Variants in ADCY2 observed in about 807,000 individuals in gnomAD.
ADCY2 encodes the protein adenylate cyclase 2, also known as adenylate cyclase type 2.
ADCY2 carries 31 observed loss-of-function variants against 125.2 expected under a neutral mutation model. The observed-to-expected ratio is 0.25, with a 90% confidence interval of 0.19 to 0.33. The LOEUF (loss-of-function observed/expected upper bound fraction) is 0.33. Among genes scored for constraint, ADCY2 ranks in the 10% least tolerant of loss-of-function variants. The pLI is 1.00. For missense variants in ADCY2, 904 were observed against 1,418.2 expected, an observed-to-expected ratio of 0.64 and a Z score of 5.82; for synonymous variants, 512 against 548.4, an observed-to-expected ratio of 0.93 and a Z score of 0.93.
rs1238818176 is a variant in ADCY2, at chr5:7,559,837, G to A, written c.570+38938G>A. ...TGCTGTTGGGGGTGAAAATGAAAAA[G>A]CCTACTTCAGAAAGATAAAACTTTT... is the stretch of plus-strand genomic sequence containing the variant. On this transcript the variant is annotated intron_variant, in intron 3 of 24. Transcript: ENST00000338316. 2.6e-5 allele frequency among the ~76,000 whole-genome samples: 4 copies of A among 152,144 alleles called. No homozygotes were observed. In the East Asian group the frequency reaches 7.7e-4, roughly 29 times the overall value.
Position 7,446,763 on chromosome 5 carries a change from T to C in ADCY2, c.408+31993T>C, listed in dbSNP as rs1741272715. On this transcript the variant is annotated intron_variant, in intron 2 of 24. Coordinates refer to ENST00000338316, the MANE Select transcript of ADCY2 (RefSeq NM_020546.3). ...CACGTGTGTGCACAGTATAGATACATAGTCTTGCCATGCGGTCTATTTGTT... is the reference window on the plus strand; with the variant it reads ...CACGTGTGTGCACAGTATAGATACACAGTCTTGCCATGCGGTCTATTTGTT... Among the ~76,000 whole-genome samples the C allele has an allele frequency of 2.6e-5, 4 of 152,208 alleles. 1 individual carries two copies. The South Asian group carries it at 8.3e-4, about 32-fold the overall frequency.
chr5:7,756,587 G>C (rs1227181141), intron 15 of ADCY2, among the ~76,000 whole-genome samples: 1 of 152,146 alleles, frequency 6.6e-6, no homozygotes, highest in East Asian at 1.9e-4. Context: ...CACAAAAGGA[G>C]AACTACTAGA....
chr5:7,826,786 A>C lies in ADCY2; in HGVS notation c.3191A>C (p.Asn1064Thr). 6.2e-7 allele frequency: 1 copy of C among 1,614,156 alleles called. No homozygotes were observed. The highest frequency in any genetic ancestry group is 8.5e-7 in the Non-Finnish European group (1 of 1,180,040). The change falls in exon 25 of 25, where the codon AAC becomes ACC. Residue 1064 changes from asparagine to threonine, a missense_variant. By Grantham distance (65) the Asn-to-Thr change is moderately conservative. Transcript: ENST00000338316. ...ACGTGCACCTGTCGAGGAATAATCA[A>C]CGTGAAAGGAAAGGGGGACCTGAAG... ...GYTCTCRGII[N>T]VKGKGDLKTY...
Position 7,468,670 on chromosome 5 carries a change from T to C in ADCY2, c.409-52068T>C, listed in dbSNP as rs116190169. Among the ~76,000 whole-genome samples the C allele has an allele frequency of 1.4e-3, 208 of 152,232 alleles. 1 individual carries two copies. Among genetic ancestry groups the C allele is most frequent in the African/African-American group, 4.9e-3 (202 of 41,554 alleles). On this transcript the variant is annotated intron_variant, in intron 2 of 24. Coordinates refer to ENST00000338316, the MANE Select transcript of ADCY2 (RefSeq NM_020546.3). Reference sequence around the variant, plus strand: ...TGCTCTGAATTTGTATCTTGCTGCTTAGCTAAAACCCTCCTATTTATCTGC... The same window carrying C: ...TGCTCTGAATTTGTATCTTGCTGCTCAGCTAAAACCCTCCTATTTATCTGC...
intron 14 of ADCY2, among the ~76,000 whole-genome samples, chr5:7,738,014 C>T (rs1742298791): frequency 6.6e-6 from 1 of 152,120 alleles, no homozygotes; most frequent in Non-Finnish European, 1.5e-5. Context: ...ACCAGCAAAC[C>T]TACAAGATAT....
intron 3 of ADCY2, among the ~76,000 whole-genome samples, chr5:7,589,398 AAGAG>A (rs1292069710): frequency 1.3e-5 from 2 of 148,546 alleles, no homozygotes; most frequent in African/African-American, 5.0e-5. Context: ...AGAAAGAAAG[AAGAG>A]AGAAAGAGGA....
intron 4 of ADCY2, among the ~76,000 whole-genome samples, chr5:7,687,612 G>A (rs1394718782): frequency 4.6e-5 from 7 of 152,164 alleles, no homozygotes; most frequent in Non-Finnish European, 8.8e-5. Context: ...TGTGCCGACC[G>A]ATTTCTCACT....
intron 2 of ADCY2, among the ~76,000 whole-genome samples, chr5:7,509,796 C>T (rs1743989435): frequency 6.6e-6 from 1 of 152,158 alleles, no homozygotes; most frequent in South Asian, 2.1e-4. Context: ...ATCTTTTATA[C>T]AATCTAGTCA....
At chr5:7,412,468 C>T (rs1739762018) in intron 1 of ADCY2, among the ~76,000 whole-genome samples, 1 of 152,194 alleles carries the variant, frequency 6.6e-6, no homozygotes, top group Admixed American at 6.5e-5. Context: ...AACACGCTGT[C>T]ATGTCCCACG....
At chr5:7,717,126 C>G (rs763194453) in intron 11 of ADCY2, 31 bp from the exon 12 acceptor site, 22 of 1,427,746 alleles carry the variant, frequency 1.5e-5, no homozygotes, top group South Asian at 4.8e-5. Flanking sequence ...CTAATAATAT[C>G]CTTACCCATA....
At chr5:7,508,073 A>T (rs1694324264) in intron 2 of ADCY2, among the ~76,000 whole-genome samples, 1 of 152,122 alleles carries the variant, frequency 6.6e-6, no homozygotes, top group Non-Finnish European at 1.5e-5. Flanking sequence ...TGATGTTTCT[A>T]AAGACTTTAT....
intron 22 of ADCY2, among the ~76,000 whole-genome samples, chr5:7,814,429 C>T (rs541192929): frequency 6.6e-6 from 1 of 152,156 alleles, no homozygotes; most frequent in South Asian, 2.1e-4. Flanking sequence ...GTCCAGTAGG[C>T]AGAGGCCAGG....
intron 4 of ADCY2, among the ~76,000 whole-genome samples, chr5:7,646,670 G>T (rs899131854): frequency 3.3e-5 from 5 of 152,132 alleles, no homozygotes; most frequent in Non-Finnish European, 5.9e-5. Flanking sequence ...TTACATTTAA[G>T]CTGTGAAAGC....
At chr5:7,737,804 A>C (rs757653431) in intron 14 of ADCY2, among the ~76,000 whole-genome samples, 1 of 152,224 alleles carries the variant, frequency 6.6e-6, no homozygotes, top group Non-Finnish European at 1.5e-5. Context: ...ACCCACAAAA[A>C]AAGACATTAC....
chr5:7,571,474 G>A (rs1736064440), intron 3 of ADCY2, among the ~76,000 whole-genome samples: 1 of 152,132 alleles, frequency 6.6e-6, no homozygotes, highest in South Asian at 2.1e-4. Context: ...ACTCACATTG[G>A]TGAGGATCAT....
At position 7,656,677 on chromosome 5, in the gene ADCY2, A is replaced by G. The variant is rs183245249; in HGVS notation, c.720+30361A>G. Reference sequence around the variant, plus strand: ...ACAGAATTCTATATGGCAGCATTTCATCATCTCATTACATAAGCAAAGTGG... The same window carrying G: ...ACAGAATTCTATATGGCAGCATTTCGTCATCTCATTACATAAGCAAAGTGG... On this transcript the variant is annotated intron_variant, in intron 4 of 24. Coordinates refer to ENST00000338316, the MANE Select transcript of ADCY2 (RefSeq NM_020546.3). Among the ~76,000 whole-genome samples the G allele has an allele frequency of 2.2e-4, 34 of 152,332 alleles. No individual in the cohort carries two copies. The East Asian group carries it at 2.3e-3, about 10-fold the overall frequency.
intron 3 of ADCY2, among the ~76,000 whole-genome samples, chr5:7,606,467 C>T (rs1242966712): frequency 1.3e-5 from 2 of 152,112 alleles, no homozygotes; most frequent in Non-Finnish European, 2.9e-5. Context: ...ACTATTAATG[C>T]AAAATTTAAT....
chr5:7,527,915 T>C (rs1734527324), intron 3 of ADCY2, among the ~76,000 whole-genome samples: 4 of 152,208 alleles, frequency 2.6e-5, no homozygotes, highest in Admixed American at 2.6e-4. Context: ...TTTCTGGCTG[T>C]GGGAGAGACT....
intron 2 of ADCY2, among the ~76,000 whole-genome samples, chr5:7,441,011 C>G (rs74601004): frequency 1.3e-5 from 2 of 152,080 alleles, no homozygotes; most frequent in East Asian, 3.9e-4. Flanking sequence ...AGAAATTGAA[C>G]GTGGTTTTGT....
Sources: gnomAD v4.1 joint callset for allele counts (sites outside exome capture counted in the v4.1 genomes callset) on GRCh38, gnomAD v4.1.1 for gene constraint, MANE v1.5 for transcripts, NCBI Gene and HGNC (gene_info 2026-07-23, HGNC 2026-07-21) for gene names.